FANCD2: variants seen among roughly 807,000 people sequenced by gnomAD.
The protein encoded by FANCD2 is Fanconi anemia group D2 protein.
FANCD2 carries 131 observed loss-of-function variants against 192.3 expected under a neutral mutation model. That is an observed-to-expected ratio of 0.68 (90% CI 0.59 to 0.79). The LOEUF is 0.79. Among genes scored for constraint, FANCD2 ranks in the 30% least tolerant of loss-of-function variants. The pLI is 0.00. For missense variants in FANCD2, 1,508 were observed against 1,701.6 expected, an observed-to-expected ratio of 0.89 and a Z score of 2.00; for synonymous variants, 524 against 612.5, an observed-to-expected ratio of 0.86 and a Z score of 2.13.
chr3:10,055,825 TAATA>T (rs544399792), intron 18 of FANCD2, among the ~76,000 whole-genome samples: 628 of 151,770 alleles, frequency 4.1e-3, no homozygotes, highest in Non-Finnish European at 6.9e-3. Flanking sequence ...AAAAAAATAA[TAATA>T]AATAAATAAA....
At position 10,101,347 on chromosome 3, in the gene FANCD2, T is replaced by A. The variant is rs1349040866; in HGVS notation, c.*85T>A. ...AGAGTTTGAAATCCGCTGTTTGCCT[T>A]TCTTACTGGTAGGATCCTTTTTTGT... On this transcript the variant is annotated 3_prime_UTR_variant, in exon 44 of 44. Coordinates refer to ENST00000675286, the MANE Select transcript of FANCD2 (RefSeq NM_001018115.3). The A allele has an allele frequency of 5.1e-6, 5 of 981,846 alleles. No individual in the cohort carries two copies. Among genetic ancestry groups the A allele is most frequent in the Non-Finnish European group, 8.2e-6 (5 of 608,678 alleles). 60.8% of individuals were successfully genotyped at this position (981,846 alleles called of 1,614,324 possible).
chr3:10,068,278 C>T (rs1241544591), intron 26 of FANCD2, among the ~76,000 whole-genome samples: 2 of 151,948 alleles, frequency 1.3e-5, no homozygotes, highest in South Asian at 2.1e-4. Flanking sequence ...TAGATAAATT[C>T]AGTAAAGTTG....
chr3:10,057,098 C>T (rs2087435160), intron 18 of FANCD2, among the ~76,000 whole-genome samples: 1 of 152,132 alleles, frequency 6.6e-6, no homozygotes, highest in Non-Finnish European at 1.5e-5. Context: ...TCAGGAGATC[C>T]ACCCACCTCT....
chr3:10,067,200 A>G lies in FANCD2; in HGVS notation c.2386-9A>G. On this transcript the variant is annotated splice_polypyrimidine_tract_variant and intron_variant, in intron 25 of 43. Transcript: ENST00000675286. Reference sequence around the variant, plus strand: ...TTGGAAGTATGAGAATGTAATTTGTACTTTGCAGATTGTAAATGCCTTCTG... The same window carrying G: ...TTGGAAGTATGAGAATGTAATTTGTGCTTTGCAGATTGTAAATGCCTTCTG... 6.4e-7 allele frequency: 1 copy of G among 1,552,392 alleles called. No individual in the cohort carries two copies. Among genetic ancestry groups the G allele is most frequent in the Non-Finnish European group, 8.9e-7 (1 of 1,124,430 alleles).
intron 8 of FANCD2, 119 bp from the exon 9 acceptor site, chr3:10,039,602 T>G (rs1448524568): frequency 9.5e-6 from 11 of 1,158,246 alleles, no homozygotes; most frequent in Non-Finnish European, 1.0e-5. Context: ...TTTTTCAAAG[T>G]ACAGAGATAA....
chr3:10,069,697 C>T lies in FANCD2; in HGVS notation c.2494+2380C>T, dbSNP rs1413003099. ...CGGGCCGGTCTCCAGCTCCTAACCG[C>T]GAGTGATCCGCTAGCCTCAGCCTCC... On this transcript the variant is annotated intron_variant, in intron 26 of 43. Transcript: ENST00000675286. Among the ~76,000 whole-genome samples, 5 of 152,122 alleles carry T rather than the reference C, an allele frequency of 3.3e-5. No homozygotes were observed. The South Asian group carries it at 6.2e-4, about 19-fold the overall frequency.
In FANCD2 at chr3:10,050,433, C is replaced by G. The variant is rs567779818; in HGVS notation, c.1545+928C>G. 4.4e-4 allele frequency among the ~76,000 whole-genome samples: 67 copies of G among 150,688 alleles called. 1 individual carries two copies. The highest frequency in any genetic ancestry group is 1.5e-3 in the South Asian group (7 of 4,740). The stretch of plus-strand genomic sequence containing the variant: ...AGGTCAGGAGATCAAGACCATCCTG[C>G]CTAACACGGTGAAACCCCGTCTCTA... On this transcript the variant is annotated intron_variant, in intron 17 of 43. Coordinates refer to ENST00000675286, the MANE Select transcript of FANCD2 (RefSeq NM_001018115.3).
In FANCD2 at chr3:10,070,059, C is replaced by T. The variant is rs1270345210; in HGVS notation, c.2494+2742C>T. Among the ~76,000 whole-genome samples the T allele has an allele frequency of 5.5e-3, 821 of 148,882 alleles. 12 individuals carry two copies. Among genetic ancestry groups the T allele is most frequent in the Non-Finnish European group, 7.2e-3 (486 of 67,250 alleles). On this transcript the variant is annotated intron_variant, in intron 26 of 43. Transcript: ENST00000675286. Reference sequence around the variant, plus strand: ...CACCCATCGTCTGAGATGTGGGGAGCGCCTCTGCCCCACCGCCCCGTCTGG... The same window carrying T: ...CACCCATCGTCTGAGATGTGGGGAGTGCCTCTGCCCCACCGCCCCGTCTGG...
intron 34 of FANCD2, 108 bp downstream of exon 34, chr3:10,087,372 C>T (rs2125073934): frequency 1.8e-6 from 2 of 1,086,356 alleles, no homozygotes; most frequent in South Asian, 1.4e-5. Context: ...TAAATCCCCA[C>T]ATAACCTTGG....
At position 10,067,296 on chromosome 3, in the gene FANCD2, A is replaced by G. The variant is rs1445350782; in HGVS notation, c.2473A>G (p.Ile825Val). 1.9e-6 allele frequency: 3 copies of G among 1,612,062 alleles called. No individual in the cohort carries two copies. The highest frequency in any genetic ancestry group is 1.1e-5 in the South Asian group (1 of 90,980). ...RLKHIVELQI[I>V]LEKYLAVTPD... The stretch of plus-strand genomic sequence containing the variant: ...AAAGCACATTGTAGAATTGCAAATA[A>G]TCCTGGAAAAGTACTTGGCAGGTAA... Residue 825 changes from isoleucine to valine, a missense_variant, in exon 26 of 44, where the codon ATC (isoleucine) becomes GTC (valine). Physicochemically the swap from Ile to Val is conservative, Grantham distance 29. Transcript: ENST00000675286.
chr3:10,037,229 CA>C, intron 7 of FANCD2, among the ~76,000 whole-genome samples: 1 of 152,160 alleles, frequency 6.6e-6, no homozygotes, highest in East Asian at 1.9e-4. Context: ...ACAAGAACAT[CA>C]AATATTTAAA....
chr3:10,037,996 G>T (rs1048234451), intron 7 of FANCD2, among the ~76,000 whole-genome samples: 15 of 152,000 alleles, frequency 9.9e-5, no homozygotes, highest in Admixed American at 9.8e-4. Context: ...AAGTTTAAAG[G>T]TTTACTTATT....
At chr3:10,095,373 C>A in intron 41 of FANCD2, 99 bp downstream of exon 41, 1 of 978,602 alleles carries the variant, frequency 1.0e-6, no homozygotes, top group Non-Finnish European at 1.6e-6. Flanking sequence ...TCCTTTATAT[C>A]TGGGACTGTG....
Position 10,096,308 on chromosome 3 carries a change from T to C in FANCD2, c.4039-18T>C. On this transcript the variant is annotated intron_variant, in intron 41 of 43. Transcript: ENST00000675286. ...ATGATAAACTCACAAAAGATGGATG[T>C]TATTTATTTCCATTCAGATTCACCA... 1.9e-6 allele frequency: 3 copies of C among 1,613,488 alleles called. No homozygotes were observed. The highest frequency in any genetic ancestry group is 2.5e-6 in the Non-Finnish European group (3 of 1,179,584).
At position 10,052,513 on chromosome 3, in the gene FANCD2, T is replaced by C. The variant is rs1401328618; in HGVS notation, c.1656+16T>C. The C allele has an allele frequency of 5.7e-6, 9 of 1,570,154 alleles. No individual in the cohort carries two copies. Among genetic ancestry groups the C allele is most frequent in the Non-Finnish European group, 7.9e-6 (9 of 1,145,494 alleles). On this transcript the variant is annotated intron_variant, in intron 18 of 43. Coordinates refer to ENST00000675286, the MANE Select transcript of FANCD2 (RefSeq NM_001018115.3). ...CCACATCCAGGTAAGAGGCAATATGTTGGGAAAGATTTTTTTTTTTTTGAG... is the reference window on the plus strand; with the variant it reads ...CCACATCCAGGTAAGAGGCAATATGCTGGGAAAGATTTTTTTTTTTTTGAG...
intron 43 of FANCD2, among the ~76,000 whole-genome samples, chr3:10,100,009 C>A (rs1401459657): frequency 6.6e-6 from 1 of 151,972 alleles, no homozygotes; most frequent in Non-Finnish European, 1.5e-5. Flanking sequence ...CAACCCGAGA[C>A]CCCATCTCTA....
At chr3:10,052,522 ATTT>A in intron 18 of FANCD2, 25 bp downstream of exon 18, 5 of 1,303,846 alleles carry the variant, frequency 3.8e-6, no homozygotes, top group Non-Finnish European at 5.4e-6. Context: ...GTTGGGAAAG[ATTT>A]TTTTTTTTTT....
At chr3:10,028,050 T>TA (rs34136078) in intron 1 of FANCD2, among the ~76,000 whole-genome samples, 65 of 141,722 alleles carry the variant, frequency 4.6e-4, no homozygotes, top group Non-Finnish European at 7.2e-4. Flanking sequence ...CTGTCTCTAC[T>TA]AAAAAAAAAA....
chr3:10,043,006 C>A, intron 11 of FANCD2, 44 bp from the exon 12 acceptor site: 1 of 1,540,186 alleles, frequency 6.5e-7, no homozygotes, highest in Non-Finnish European at 9.0e-7. Flanking sequence ...TGCCTACCCA[C>A]TATGAATGAG....
Sources: allele counts gnomAD v4.1 joint callset (sites outside exome capture counted in the v4.1 genomes callset), GRCh38; gene constraint gnomAD v4.1.1; transcripts MANE v1.5; gene names NCBI Gene and HGNC (gene_info 2026-07-23, HGNC 2026-07-21).